The following OTUD7A variants were observed in gnomAD, a reference collection of about 807,000 sequenced individuals.
OTUD7A encodes OTU domain-containing protein 7A.
A neutral mutation model predicts 65.7 loss-of-function variants in OTUD7A; 12 were observed. That is an observed-to-expected ratio of 0.18 (90% CI 0.12 to 0.30). The LOEUF is 0.30. Among genes scored for constraint, OTUD7A ranks in the 10% least tolerant of loss-of-function variants. The probability of loss-of-function intolerance (pLI) is 1.00; values close to 1 mark genes in which losing one functional copy is unlikely to be tolerated. For missense variants in OTUD7A, 1,148 were observed against 1,304.8 expected, an observed-to-expected ratio of 0.88 and a Z score of 1.85; for synonymous variants, 641 against 586.3, an observed-to-expected ratio of 1.09 and a Z score of -1.35.
At chr15:31,810,266 A>G (rs1224238292) in intron 1 of OTUD7A, among the ~76,000 whole-genome samples, 1 of 152,218 alleles carries the variant, frequency 6.6e-6, no homozygotes, top group Non-Finnish European at 1.5e-5. Context: ...CTGAAGAACC[A>G]GTGGAGCCTC....
intron 1 of OTUD7A, among the ~76,000 whole-genome samples, chr15:31,678,362 T>C (rs570485860): frequency 2.0e-5 from 3 of 152,256 alleles, no homozygotes; most frequent in Admixed American, 1.3e-4. Context: ...GAAATGTACA[T>C]AAGTAATGAG....
At chr15:31,846,674 G>A (rs905840463) in intron 1 of OTUD7A, among the ~76,000 whole-genome samples, 1 of 152,272 alleles carries the variant, frequency 6.6e-6, no homozygotes, top group East Asian at 1.9e-4. Context: ...ATTCAACACA[G>A]TGTCACATGG....
At chr15:31,719,796 C>A (rs2654034) in intron 1 of OTUD7A, among the ~76,000 whole-genome samples, 1 of 152,124 alleles carries the variant, frequency 6.6e-6, no homozygotes, top group Non-Finnish European at 1.5e-5. Flanking sequence ...TGATGTGATA[C>A]CCTGTTCCTC....
intron 3 of OTUD7A, among the ~76,000 whole-genome samples, chr15:31,610,938 A>T (rs1219023047): frequency 6.6e-6 from 1 of 151,936 alleles, no homozygotes; most frequent in Non-Finnish European, 1.5e-5. Flanking sequence ...CAGAAAAATG[A>T]AATTATATTA....
Position 31,868,774 on chromosome 15 carries a change from G to A in OTUD7A, c.-100+1733C>T, listed in dbSNP as rs376046408. ...ATCCAGGCCCAAGTGAGACCCGCACGTGGCAATACTTCGTAAAGCGGCGAT... is the reference window on the plus strand; with the variant it reads ...ATCCAGGCCCAAGTGAGACCCGCACATGGCAATACTTCGTAAAGCGGCGAT... On this transcript the variant is annotated intron_variant, in intron 1 of 12. Transcript: ENST00000307050. Among the ~76,000 whole-genome samples, 40 of 152,242 alleles carry A rather than the reference G, an allele frequency of 2.6e-4. No individual in the cohort carries two copies. In the South Asian group the frequency reaches 7.1e-3, roughly 27 times the overall value.
chr15:31,697,893 T>C (rs1893121162), intron 1 of OTUD7A, among the ~76,000 whole-genome samples: 1 of 152,172 alleles, frequency 6.6e-6, no homozygotes, highest in Non-Finnish European at 1.5e-5. Context: ...TTGAAGACAC[T>C]GGTCACCTTA....
chr15:31,574,039 GA>G (rs1385778531), intron 3 of OTUD7A, among the ~76,000 whole-genome samples: 1 of 152,222 alleles, frequency 6.6e-6, no homozygotes, highest in Non-Finnish European at 1.5e-5. Flanking sequence ...GTAGAAGAGA[GA>G]GGGGAGAATG....
At chr15:31,543,473 A>G (rs1888043020) in intron 5 of OTUD7A, among the ~76,000 whole-genome samples, 1 of 151,958 alleles carries the variant, frequency 6.6e-6, no homozygotes, top group Non-Finnish European at 1.5e-5. Flanking sequence ...TTTTATGAAT[A>G]AATTAACTAC....
At chr15:31,799,975 A>G (rs1347267713) in intron 1 of OTUD7A, among the ~76,000 whole-genome samples, 1 of 152,158 alleles carries the variant, frequency 6.6e-6, no homozygotes, top group Admixed American at 6.5e-5. Context: ...ATTATGCTCT[A>G]ATCACTGAAA....
intron 9 of OTUD7A, 44 bp from the exon 10 acceptor site, chr15:31,501,883 C>G (rs201736882): frequency 1.3e-6 from 2 of 1,567,242 alleles, no homozygotes; most frequent in East Asian, 4.5e-5. Context: ...GCAGCCAGCT[C>G]GAGCTGGGAG....
intron 1 of OTUD7A, among the ~76,000 whole-genome samples, chr15:31,755,040 T>G (rs1028152587): frequency 3.3e-5 from 5 of 150,698 alleles, no homozygotes; most frequent in African/African-American, 1.2e-4. Context: ...TGTGTGATTA[T>G]GTGTGTGTTC....
rs367934530 is a variant in OTUD7A, at chr15:31,641,712, C to T, written c.151+13384G>A. Among the ~76,000 whole-genome samples the T allele has an allele frequency of 2.7e-4, 41 of 152,128 alleles. No individual in the cohort carries two copies. In the South Asian group the frequency reaches 7.3e-3, roughly 27 times the overall value. On this transcript the variant is annotated intron_variant, in intron 3 of 12. Coordinates refer to ENST00000307050, the MANE Select transcript of OTUD7A (RefSeq NM_001382637.1). ...TTAAAATTTATTTTAAAAAATAATGCAATTATTCATTGCAATTGTAAAAAT... is the reference window on the plus strand; with the variant it reads ...TTAAAATTTATTTTAAAAAATAATGTAATTATTCATTGCAATTGTAAAAAT...
intron 3 of OTUD7A, among the ~76,000 whole-genome samples, chr15:31,653,690 C>T (rs1346155738): frequency 1.3e-5 from 2 of 150,102 alleles, no homozygotes; most frequent in East Asian, 3.9e-4. Context: ...AGTAATAACA[C>T]AAATCCATAC....
chr15:31,543,971 A>T (rs1281282346), intron 5 of OTUD7A, among the ~76,000 whole-genome samples: 3 of 151,926 alleles, frequency 2.0e-5, no homozygotes, highest in African/African-American at 7.2e-5. Flanking sequence ...GATTTTAAAA[A>T]AACTGATCAT....
intron 6 of OTUD7A, among the ~76,000 whole-genome samples, chr15:31,530,290 A>C (rs2042068381): frequency 6.6e-6 from 1 of 152,060 alleles, no homozygotes; most frequent in Admixed American, 6.6e-5. Context: ...CCCTACCTCC[A>C]AACACCCTGT....
chr15:31,621,459 G>T (rs540415587), intron 3 of OTUD7A, among the ~76,000 whole-genome samples: 177 of 152,210 alleles, frequency 1.2e-3, no homozygotes, highest in African/African-American at 4.1e-3. Context: ...TCCTGTATTG[G>T]GTGCATATAT....
intron 1 of OTUD7A, among the ~76,000 whole-genome samples, chr15:31,783,456 G>A (rs1895593768): frequency 6.6e-6 from 1 of 152,198 alleles, no homozygotes; most frequent in South Asian, 2.1e-4. Context: ...CACAAATTAA[G>A]GCAATAGCAA....
intron 1 of OTUD7A, among the ~76,000 whole-genome samples, chr15:31,844,970 G>C (rs1184491859): frequency 6.6e-6 from 1 of 152,274 alleles, no homozygotes; most frequent in East Asian, 1.9e-4. Flanking sequence ...AAGAATTCAT[G>C]TGGGATACAA....
intron 1 of OTUD7A, among the ~76,000 whole-genome samples, chr15:31,775,089 T>TACACACAC (rs3046535): frequency 6.8e-5 from 10 of 148,120 alleles, no homozygotes; most frequent in African/African-American, 2.2e-4. Flanking sequence ...TCCATGCATT[T>TACACACAC]ACACACACAC....
Sources: gnomAD v4.1 joint callset for allele counts (sites outside exome capture counted in the v4.1 genomes callset) on GRCh38, gnomAD v4.1.1 for gene constraint, MANE v1.5 for transcripts, NCBI Gene and HGNC (gene_info 2026-07-23, HGNC 2026-07-21) for gene names.